The following ATXN1 variants were observed in gnomAD, a reference collection of about 807,000 sequenced individuals.
The protein encoded by ATXN1 is ataxin 1.
Under a neutral mutation model 56.4 loss-of-function variants are expected in ATXN1, and 8 were observed. That is an observed-to-expected ratio of 0.14 (90% CI 0.08 to 0.26). The LOEUF is 0.26. Among genes scored for constraint, ATXN1 ranks in the 10% least tolerant of loss-of-function variants. The pLI is 1.00. For missense variants in ATXN1, 987 were observed against 1,106.5 expected, an observed-to-expected ratio of 0.89 and a Z score of 1.53; for synonymous variants, 514 against 494.6, an observed-to-expected ratio of 1.04 and a Z score of -0.52.
intron 6 of ATXN1, among the ~76,000 whole-genome samples, chr6:16,472,124 A>C (rs555219395): frequency 1.6e-4 from 25 of 152,264 alleles, no homozygotes; most frequent in South Asian, 1.5e-3. Flanking sequence ...AACCTGACAA[A>C]ACTCAGTGAA....
chr6:16,694,913 C>T (rs988018197), intron 2 of ATXN1, among the ~76,000 whole-genome samples: 3 of 152,184 alleles, frequency 2.0e-5, no homozygotes, highest in Non-Finnish European at 2.9e-5. Flanking sequence ...TTCTTGGTTG[C>T]GTACTCTACC....
chr6:16,383,147 T>C (rs2113509274), intron 6 of ATXN1, among the ~76,000 whole-genome samples: 1 of 152,298 alleles, frequency 6.6e-6, no homozygotes, highest in South Asian at 2.1e-4. Flanking sequence ...AGTTTAATCA[T>C]TGACCTTTCT....
intron 6 of ATXN1, among the ~76,000 whole-genome samples, chr6:16,382,287 G>A (rs1212220717): frequency 1.3e-5 from 2 of 149,498 alleles, no homozygotes; most frequent in South Asian, 2.1e-4. Context: ...GCAACAGAGC[G>A]AGATTCCATC....
At chr6:16,622,981 T>C (rs921504631) in intron 3 of ATXN1, among the ~76,000 whole-genome samples, 6 of 152,238 alleles carry the variant, frequency 3.9e-5, no homozygotes, top group Admixed American at 6.5e-5. Flanking sequence ...CGTAACTTTT[T>C]TGGCTTCATA....
chr6:16,656,191 C>T (rs894706026), intron 3 of ATXN1, among the ~76,000 whole-genome samples: 1 of 152,086 alleles, frequency 6.6e-6, no homozygotes, highest in Admixed American at 6.6e-5. Context: ...GAGGGACCCC[C>T]CGAGGACCTG....
intron 6 of ATXN1, among the ~76,000 whole-genome samples, chr6:16,347,274 A>G (rs12660858): frequency 0.088 from 13,438 of 152,300 alleles, 1,028 homozygotes; most frequent in East Asian, 0.42. Context: ...GTGAAGATCC[A>G]CTAGGTGAAG....
rs70999327 is a variant in ATXN1, at chr6:16,471,688, C to CGTGTGTGTGT, written c.-161+14274_-161+14283dup. 3.5e-3 allele frequency among the ~76,000 whole-genome samples: 528 copies of CGTGTGTGTGT among 149,376 alleles called. 2 individuals carry two copies. Among genetic ancestry groups the CGTGTGTGTGT allele is most frequent in the South Asian group, 0.016 (78 of 4,730 alleles). ...GAGTGTGCGTATGTGTGCATGCATG[C>CGTGTGTGTGT]GTGTGTGTGTGTGTGTGTGTGTGAG... On this transcript the variant is annotated intron_variant, in intron 6 of 7. Coordinates refer to ENST00000436367, the MANE Select transcript of ATXN1 (RefSeq NM_001128164.2).
intron 3 of ATXN1, among the ~76,000 whole-genome samples, chr6:16,653,149 T>G (rs1758102772): frequency 6.6e-6 from 1 of 152,204 alleles, no homozygotes; most frequent in Admixed American, 6.5e-5. Flanking sequence ...CTGTTTGGAT[T>G]CCATCTACCA....
intron 6 of ATXN1, among the ~76,000 whole-genome samples, chr6:16,442,717 A>G (rs1250059015): frequency 1.3e-5 from 2 of 152,154 alleles, no homozygotes; most frequent in African/African-American, 2.4e-5. Flanking sequence ...TATTCTAAAC[A>G]TTTTTACTGG....
chr6:16,635,998 G>A (rs1436104565), intron 3 of ATXN1, among the ~76,000 whole-genome samples: 1 of 152,176 alleles, frequency 6.6e-6, no homozygotes, highest in African/African-American at 2.4e-5. Context: ...GCAGTGCACA[G>A]TTCTCCCAAT....
chr6:16,326,916 C>A lies in ATXN1; in HGVS notation c.1395G>T (p.Leu465=), dbSNP rs1258815836. Residue 465 remains leucine, a synonymous_variant, in exon 7 of 8, where the codon CTG becomes CTT. Transcript: ENST00000436367. This position sits in a 1 kb window ranked among gnomAD's most constrained non-coding sequence, Gnocchi z 6.6. ...AGGTGATTGCTTGCTGCTGGCCGCT[C>A]AGGTAGCCGATGACAGGGGGTTGAG... ...AGTQPPVIGY[L]SGQQQAITYA... is the part of the protein sequence containing the mutation. 5.6e-6 allele frequency: 9 copies of A among 1,613,466 alleles called. No homozygotes were observed. In the South Asian group the frequency reaches 9.9e-5, roughly 18 times the overall value.
chr6:16,435,305 G>C (rs1759366833), intron 6 of ATXN1, among the ~76,000 whole-genome samples: 1 of 152,140 alleles, frequency 6.6e-6, no homozygotes, highest in Non-Finnish European at 1.5e-5. Flanking sequence ...GGATGCAGGA[G>C]TCATGGATCC....
intron 6 of ATXN1, among the ~76,000 whole-genome samples, chr6:16,479,132 C>A (rs938064545): frequency 6.6e-6 from 1 of 152,240 alleles, no homozygotes; most frequent in East Asian, 1.9e-4. Context: ...TAGAGGATAG[C>A]CATTTGTATA....
At chr6:16,610,860 A>T (rs1341736548) in intron 3 of ATXN1, among the ~76,000 whole-genome samples, 4 of 26,016 alleles carry the variant, frequency 1.5e-4, no homozygotes, top group Non-Finnish European at 5.6e-4. Context: ...GTCATCTATA[A>T]AAAAAAAAAA....
At chr6:16,709,371 T>A (rs1759476777) in intron 2 of ATXN1, among the ~76,000 whole-genome samples, 1 of 151,938 alleles carries the variant, frequency 6.6e-6, no homozygotes, top group South Asian at 2.1e-4. Flanking sequence ...ATAGCAAGAA[T>A]AAACAGAAAA....
chr6:16,702,275 T>C (rs1259602642), intron 2 of ATXN1, among the ~76,000 whole-genome samples: 1 of 152,236 alleles, frequency 6.6e-6, no homozygotes, highest in Non-Finnish European at 1.5e-5. Flanking sequence ...GAAAACTGGC[T>C]AGCCATATGT....
At chr6:16,748,922 G>A (rs1338161368) in intron 2 of ATXN1, among the ~76,000 whole-genome samples, 4 of 151,290 alleles carry the variant, frequency 2.6e-5, no homozygotes, top group Admixed American at 1.3e-4. Context: ...TAACATCATC[G>A]TAACATCATC....
chr6:16,347,244 C>G (rs190205138), intron 6 of ATXN1, among the ~76,000 whole-genome samples: 1 of 152,166 alleles, frequency 6.6e-6, no homozygotes, highest in African/African-American at 2.4e-5. Flanking sequence ...CACTGGCAGG[C>G]AGCTCCACCT....
At chr6:16,653,211 G>A (rs985993296) in intron 3 of ATXN1, among the ~76,000 whole-genome samples, 10 of 152,162 alleles carry the variant, frequency 6.6e-5, no homozygotes, top group African/African-American at 1.9e-4. Flanking sequence ...AAGCAGCAAC[G>A]CCCTGCAAAT....
Sources: allele counts gnomAD v4.1 joint callset (sites outside exome capture counted in the v4.1 genomes callset), GRCh38; gene constraint gnomAD v4.1.1; non-coding constraint Gnocchi (gnomAD v3.1); transcripts MANE v1.5; gene names NCBI Gene and HGNC (gene_info 2026-07-23, HGNC 2026-07-21).